EXOC2: variants seen among roughly 807,000 people sequenced by gnomAD.
EXOC2 encodes SEC5-like 1.
Under a neutral mutation model 131.8 loss-of-function variants are expected in EXOC2, and 70 were observed. The ratio of observed to expected loss-of-function variants is 0.53; its 90% CI spans 0.44 to 0.65. The LOEUF (loss-of-function observed/expected upper bound fraction) is 0.65. EXOC2 is among the 30% of genes least tolerant of loss of function. The pLI is 0.00. For synonymous variants in EXOC2, 411 were observed against 398.4 expected (o/e 1.03, Z -0.38); for missense variants, 923 against 1,108.6 (o/e 0.83, Z 2.38).
intron 7 of EXOC2, among the ~76,000 whole-genome samples, chr6:599,632 T>C (rs947571271): frequency 2.6e-5 from 4 of 152,204 alleles, no homozygotes; most frequent in African/African-American, 9.6e-5. Flanking sequence ...GGACTCAATA[T>C]CTACATATGG....
intron 23 of EXOC2, among the ~76,000 whole-genome samples, chr6:515,755 G>A (rs1167620733): frequency 6.6e-6 from 1 of 151,196 alleles, no homozygotes; most frequent in Non-Finnish European, 1.5e-5. Flanking sequence ...GTCCTAGGAG[G>A]GAGCGAGAAG....
At chr6:583,250 G>A (rs1759012652) in intron 11 of EXOC2, among the ~76,000 whole-genome samples, 1 of 152,162 alleles carries the variant, frequency 6.6e-6, no homozygotes, top group Non-Finnish European at 1.5e-5. Context: ...CATTCAATGT[G>A]TGTTTGACAT....
chr6:505,139 G>GAA (rs35823355), intron 23 of EXOC2, among the ~76,000 whole-genome samples: 107 of 147,608 alleles, frequency 7.2e-4, no homozygotes, highest in African/African-American at 2.5e-3. Flanking sequence ...AACAACGGCA[G>GAA]AAAAAAAAAA....
At position 504,337 on chromosome 6, in the gene EXOC2, C is replaced by T. The variant is rs568754068; in HGVS notation, c.2381-4637G>A. ...GCTCCGTGTGCATCCGTTATGGAAG[C>T]GGCTGAGGCCTCGCGGTGATGGCAG... On this transcript the variant is annotated intron_variant, in intron 23 of 27. Coordinates refer to ENST00000230449, the MANE Select transcript of EXOC2 (RefSeq NM_018303.6). 1.1e-4 allele frequency among the ~76,000 whole-genome samples: 17 copies of T among 152,304 alleles called. No individual in the cohort carries two copies. The East Asian group carries it at 1.3e-3, about 12-fold the overall frequency.
intron 1 of EXOC2, among the ~76,000 whole-genome samples, chr6:691,913 T>C (rs547084333): frequency 5.1e-4 from 78 of 152,354 alleles, no homozygotes; most frequent in African/African-American, 1.8e-3. Context: ...CATCACCCTC[T>C]TTCTATTACT....
chr6:495,548 C>T (rs1189942784), intron 25 of EXOC2, among the ~76,000 whole-genome samples: 2 of 152,168 alleles, frequency 1.3e-5, no homozygotes, highest in Non-Finnish European at 2.9e-5. Context: ...GCTTAAATAA[C>T]TAGGATCGGA....
intron 1 of EXOC2, among the ~76,000 whole-genome samples, chr6:662,760 A>ACAAAC (rs1255881510): frequency 6.6e-6 from 1 of 152,220 alleles, no homozygotes; most frequent in Admixed American, 6.5e-5. Context: ...AGAAACAAGA[A>ACAAAC]CAAACCAAAC....
At chr6:658,668 T>TTTTATATATATATATATATATATATA (rs1763271325) in intron 1 of EXOC2, among the ~76,000 whole-genome samples, 1 of 128,038 alleles carries the variant, frequency 7.8e-6, no homozygotes, top group Non-Finnish European at 1.7e-5. Flanking sequence ...TATATATATT[T>TTTTATATATATATATATATATATATA]TTTTTTTTTT....
At chr6:593,430 C>A (rs1057109792) in intron 10 of EXOC2, among the ~76,000 whole-genome samples, 1 of 152,172 alleles carries the variant, frequency 6.6e-6, no homozygotes, top group Non-Finnish European at 1.5e-5. Flanking sequence ...ACACTCACGA[C>A]TGAGAAAATA....
chr6:639,884 C>T (rs571852014), intron 1 of EXOC2, among the ~76,000 whole-genome samples: 1 of 152,278 alleles, frequency 6.6e-6, no homozygotes, highest in South Asian at 2.1e-4. Flanking sequence ...AGCATGGTTA[C>T]CCAACAAACC....
chr6:649,033 AGACGG>A (rs1762712207), intron 1 of EXOC2, among the ~76,000 whole-genome samples: 1 of 152,064 alleles, frequency 6.6e-6, no homozygotes. Context: ...TCTTTGTAAG[AGACGG>A]AGCCTCGTTG....
intron 1 of EXOC2, among the ~76,000 whole-genome samples, chr6:660,962 T>C (rs1763401123): frequency 6.6e-6 from 1 of 151,844 alleles, no homozygotes; most frequent in African/African-American, 2.4e-5. Context: ...GAAAAAACAA[T>C]CAAAAATTCA....
intron 1 of EXOC2, among the ~76,000 whole-genome samples, chr6:646,969 C>T (rs1298514011): frequency 2.0e-5 from 3 of 152,136 alleles, no homozygotes; most frequent in African/African-American, 7.2e-5. Context: ...TCCAAAGATA[C>T]CAAAACACTG....
chr6:685,749 C>A (rs1361607845), intron 1 of EXOC2, among the ~76,000 whole-genome samples: 1 of 151,976 alleles, frequency 6.6e-6, no homozygotes, highest in African/African-American at 2.4e-5. Flanking sequence ...CTCATAGGGG[C>A]CAAATTGTAT....
chr6:633,208 T>C, intron 2 of EXOC2, 91 bp from the exon 3 acceptor site: 2 of 1,365,674 alleles, frequency 1.5e-6, no homozygotes, highest in Non-Finnish European at 2.0e-6. Context: ...TCTAGTCTTG[T>C]TCAATAATGA....
At chr6:500,158 T>C (rs182205944) in intron 23 of EXOC2, among the ~76,000 whole-genome samples, 8 of 152,188 alleles carry the variant, frequency 5.3e-5, no homozygotes, top group African/African-American at 1.9e-4. Flanking sequence ...TGTTTAACAA[T>C]GCTTATAAAA....
Position 506,555 on chromosome 6 carries a change from A to G in EXOC2, c.2381-6855T>C, listed in dbSNP as rs1764546894. Among the ~76,000 whole-genome samples, 1 of 152,224 alleles carries G rather than the reference A, an allele frequency of 6.6e-6. No individual in the cohort carries two copies. Among genetic ancestry groups the G allele is most frequent in the African/African-American group, 2.4e-5 (1 of 41,444 alleles). On this transcript the variant is annotated intron_variant, in intron 23 of 27. Coordinates refer to ENST00000230449, the MANE Select transcript of EXOC2 (RefSeq NM_018303.6). The surrounding 1 kb of genome is among the most constrained non-coding windows in gnomAD (Gnocchi z 4.4). Reference sequence around the variant, plus strand: ...CTTTCCATGTTGTTCAAGCGAGGGAATGAGAAACAGTTTCTAAGCATTTAC... The same window carrying G: ...CTTTCCATGTTGTTCAAGCGAGGGAGTGAGAAACAGTTTCTAAGCATTTAC...
At chr6:507,611 T>C (rs1218635508) in intron 23 of EXOC2, among the ~76,000 whole-genome samples, 1 of 152,164 alleles carries the variant, frequency 6.6e-6, no homozygotes, top group Non-Finnish European at 1.5e-5. Flanking sequence ...CCTTTGCATG[T>C]GGGTGCTCGT....
intron 24 of EXOC2, among the ~76,000 whole-genome samples, chr6:498,326 A>T (rs1193738505): frequency 6.6e-6 from 1 of 152,244 alleles, no homozygotes; most frequent in African/African-American, 2.4e-5. Flanking sequence ...AGGAATCAGC[A>T]CCATCACTAC....
Sources: allele counts gnomAD v4.1 joint callset (sites outside exome capture counted in the v4.1 genomes callset), GRCh38; gene constraint gnomAD v4.1.1; non-coding constraint Gnocchi (gnomAD v3.1); transcripts MANE v1.5; gene names NCBI Gene and HGNC (gene_info 2026-07-23, HGNC 2026-07-21).